KPNA1: variants seen among roughly 807,000 people sequenced by gnomAD.
KPNA1 encodes importin subunit alpha-5.
KPNA1 carries 10 observed loss-of-function variants against 70.5 expected under a neutral mutation model. The ratio of observed to expected loss-of-function variants is 0.14; its 90% CI spans 0.09 to 0.24. The LOEUF is 0.24. Ranked by LOEUF, KPNA1 falls within the 10% of genes least tolerant of loss-of-function variation. The pLI is 1.00. For missense variants in KPNA1, 397 were observed against 637.9 expected (o/e 0.62, Z 4.07); for synonymous variants, 192 against 221.9 (o/e 0.87, Z 1.20).
intron 1 of KPNA1, among the ~76,000 whole-genome samples, chr3:122,507,944 T>G (rs1007056779): frequency 7.2e-5 from 11 of 152,150 alleles, no homozygotes; most frequent in African/African-American, 2.7e-4. Flanking sequence ...AATCAGGAAT[T>G]AGCACATATA....
chr3:122,462,132 AC>A (rs573399487), intron 4 of KPNA1, among the ~76,000 whole-genome samples: 4 of 152,310 alleles, frequency 2.6e-5, no homozygotes, highest in Admixed American at 6.5e-5. Context: ...GCACAAAAAA[AC>A]AAATTTGATG....
At chr3:122,469,867 TG>T (rs1179011926) in intron 2 of KPNA1, among the ~76,000 whole-genome samples, 1 of 152,214 alleles carries the variant, frequency 6.6e-6, no homozygotes, top group African/African-American at 2.4e-5. Context: ...GTGAAATATT[TG>T]AAGTGTTGAG....
chr3:122,478,960 T>C (rs1209536581), intron 2 of KPNA1, among the ~76,000 whole-genome samples: 1 of 135,464 alleles, frequency 7.4e-6, no homozygotes, highest in East Asian at 2.2e-4. Flanking sequence ...GGGGAAACGC[T>C]AGAGTTCCTA....
intron 10 of KPNA1, among the ~76,000 whole-genome samples, chr3:122,441,034 C>T (rs1188686420): frequency 2.0e-5 from 3 of 152,120 alleles, no homozygotes; most frequent in Non-Finnish European, 4.4e-5. Context: ...GTGAAGAAAA[C>T]GCTAAGGCTA....
intron 9 of KPNA1, among the ~76,000 whole-genome samples, chr3:122,446,207 A>C (rs1236832754): frequency 6.6e-6 from 1 of 152,190 alleles, no homozygotes; most frequent in African/African-American, 2.4e-5. Context: ...ACCCCAAATC[A>C]ACAAAATATA....
At chr3:122,464,802 A>G (rs1369636232) in intron 3 of KPNA1, among the ~76,000 whole-genome samples, 1 of 152,168 alleles carries the variant, frequency 6.6e-6, no homozygotes, top group Non-Finnish European at 1.5e-5. Context: ...TTCTTATTTC[A>G]TGAAGGGTAG....
intron 2 of KPNA1, among the ~76,000 whole-genome samples, chr3:122,472,957 T>C (rs1200337755): frequency 6.6e-6 from 1 of 152,042 alleles, no homozygotes; most frequent in African/African-American, 2.4e-5. Flanking sequence ...GGCGGGCGCC[T>C]GTAATCCCAG....
At chr3:122,490,389 G>A (rs1008227626) in intron 2 of KPNA1, among the ~76,000 whole-genome samples, 3 of 152,206 alleles carry the variant, frequency 2.0e-5, no homozygotes, top group Admixed American at 1.3e-4. Context: ...CTAATGCCTA[G>A]TGTCTTGAAC....
At position 122,423,376 on chromosome 3, in the gene KPNA1, C is replaced by T. The variant is rs897765951; in HGVS notation, c.*3609G>A. On this transcript the variant is annotated 3_prime_UTR_variant, in exon 14 of 14. Coordinates refer to ENST00000344337, the MANE Select transcript of KPNA1 (RefSeq NM_002264.4). Reference sequence around the variant, plus strand: ...GTCTGCAAATGAGCACATTTTGGAACGTAGGAGTTAGCATACAGTATGAAA... The same window carrying T: ...GTCTGCAAATGAGCACATTTTGGAATGTAGGAGTTAGCATACAGTATGAAA... 3 of 152,148 alleles carry T rather than the reference C, an allele frequency of 2.0e-5. No homozygotes were observed. The highest frequency in any genetic ancestry group is 4.1e-4 in the South Asian group (2 of 4,832). The allele number at this position is 152,148 out of a possible 1,614,324, so 9.4% of individuals were successfully genotyped here.
chr3:122,511,486 T>C (rs969107332), intron 1 of KPNA1, among the ~76,000 whole-genome samples: 4 of 152,234 alleles, frequency 2.6e-5, no homozygotes, highest in Non-Finnish European at 5.9e-5. Context: ...TGTTGTTTTG[T>C]AGGTTTGTAA....
chr3:122,437,523 A>G (rs922289311), intron 10 of KPNA1, among the ~76,000 whole-genome samples: 5 of 152,214 alleles, frequency 3.3e-5, no homozygotes, highest in Non-Finnish European at 7.3e-5. Context: ...ACTTAATAAG[A>G]TACAATAATG....
intron 1 of KPNA1, among the ~76,000 whole-genome samples, chr3:122,508,877 C>G (rs1372896664): frequency 6.6e-6 from 1 of 152,134 alleles, no homozygotes; most frequent in Non-Finnish European, 1.5e-5. Context: ...ACAATGGTAA[C>G]AAAATTTTTA....
At chr3:122,497,479 T>G (rs76529960) in intron 1 of KPNA1, among the ~76,000 whole-genome samples, 1 of 152,376 alleles carries the variant, frequency 6.6e-6, no homozygotes, top group African/African-American at 2.4e-5. Context: ...CTATGTTTAA[T>G]TGCTTAAGAA....
At chr3:122,495,262 C>CAAAAA (rs748751423) in intron 2 of KPNA1, among the ~76,000 whole-genome samples, 2 of 86,494 alleles carry the variant, frequency 2.3e-5, no homozygotes, top group Admixed American at 2.4e-4. Context: ...TCAAACAAAC[C>CAAAAA]AAAAAAAAAA....
chr3:122,491,433 GT>G (rs1396348931), intron 2 of KPNA1, among the ~76,000 whole-genome samples: 4 of 152,184 alleles, frequency 2.6e-5, no homozygotes, highest in Non-Finnish European at 5.9e-5. Context: ...TTCAAGATAT[GT>G]TAAATGTTAT....
At chr3:122,438,438 G>A (rs1037615053) in intron 10 of KPNA1, among the ~76,000 whole-genome samples, 5 of 151,432 alleles carry the variant, frequency 3.3e-5, no homozygotes, top group Non-Finnish European at 7.4e-5. Context: ...CCAGGCTGGA[G>A]CGCAATGGCA....
intron 2 of KPNA1, 84 bp downstream of exon 2, chr3:122,496,351 CCA>C: frequency 6.8e-5 from 87 of 1,279,194 alleles, no homozygotes; most frequent in Non-Finnish European, 8.9e-5. Context: ...CACACACACC[CCA>C]ACTTTGCTAA....
chr3:122,452,286 G>A (rs910493354), intron 6 of KPNA1, among the ~76,000 whole-genome samples: 1 of 151,844 alleles, frequency 6.6e-6, no homozygotes, highest in Non-Finnish European at 1.5e-5. Flanking sequence ...TTTGTTTTTT[G>A]ATACAGAATC....
At chr3:122,472,700 A>G (rs1483547582) in intron 2 of KPNA1, among the ~76,000 whole-genome samples, 2 of 152,198 alleles carry the variant, frequency 1.3e-5, no homozygotes, top group East Asian at 3.8e-4. Context: ...TAGACTAACA[A>G]AAAGACAGAG....
Sources: gnomAD v4.1 joint callset for allele counts (sites outside exome capture counted in the v4.1 genomes callset) on GRCh38, gnomAD v4.1.1 for gene constraint, MANE v1.5 for transcripts, NCBI Gene and HGNC (gene_info 2026-07-23, HGNC 2026-07-21) for gene names.